The following PHF24 variants were observed in gnomAD, a reference collection of about 807,000 sequenced individuals.
The protein encoded by PHF24 is Galpha inhibitory interacting protein.
In PHF24, 25 loss-of-function variants were observed where a neutral mutation model predicts 42.6. The observed-to-expected ratio is 0.59, with a 90% CI of 0.43 to 0.82. PHF24 has a LOEUF of 0.82. Ranked by LOEUF, PHF24 falls within the 40% of genes least tolerant of loss-of-function variation. The probability of loss-of-function intolerance (pLI) is 0.00; values close to 1 mark genes in which losing one functional copy is unlikely to be tolerated. For synonymous variants in PHF24, 185 were observed against 204.8 expected, an observed-to-expected ratio of 0.90 and a Z score of 0.83; for missense variants, 470 against 538.1, an observed-to-expected ratio of 0.87 and a Z score of 1.25.
the PHF24 span, among the ~76,000 whole-genome samples, chr9:34,715,493 G>A: frequency 6.6e-6 from 1 of 152,156 alleles, no homozygotes; most frequent in Non-Finnish European, 1.5e-5. Context: ...TGGATGCAGA[G>A]CTTGGGGAAG....
At chr9:34,728,593 G>A in the PHF24 span, 8 of 1,549,672 alleles carry the variant, frequency 5.2e-6, no homozygotes, top group Middle Eastern at 2.1e-4. Context: ...AGTCAGAGGA[G>A]AGATTGGGAC....
chr9:34,793,199 G>A, the PHF24 span, among the ~76,000 whole-genome samples: 1 of 152,002 alleles, frequency 6.6e-6, no homozygotes, highest in Non-Finnish European at 1.5e-5. Context: ...AACTCTGGAA[G>A]AAGACTTTCC....
At chr9:34,979,723 G>C (rs1827326975) in exon 8 of PHF24, 2 of 152,212 alleles carry the variant, frequency 1.3e-5, no homozygotes, top group Admixed American at 1.3e-4. Flanking sequence ...GGGGCTTCTT[G>C]AGAGCCCTGT....
intron 3 of PHF24, among the ~76,000 whole-genome samples, chr9:34,974,374 C>T (rs1284300437): frequency 6.6e-6 from 1 of 152,202 alleles, no homozygotes; most frequent in Non-Finnish European, 1.5e-5. Context: ...CTTTATTCCT[C>T]TCTCTTTTCT....
At chr9:34,978,443 G>T in exon 8 of PHF24, 1 of 273,270 alleles carries the variant, frequency 3.7e-6, no homozygotes, top group South Asian at 6.9e-5. Context: ...GGTTCTTTTT[G>T]GTTGAGAAAG....
the PHF24 span, among the ~76,000 whole-genome samples, chr9:34,789,956 C>T: frequency 6.6e-6 from 1 of 152,194 alleles, no homozygotes; most frequent in Non-Finnish European, 1.5e-5. Context: ...AAGTGATCCT[C>T]CAATCTCAGC....
chr9:34,840,357 A>G, the PHF24 span, among the ~76,000 whole-genome samples: 1 of 137,238 alleles, frequency 7.3e-6, no homozygotes, highest in Non-Finnish European at 1.6e-5. Flanking sequence ...TCAATGTTTT[A>G]TTCACAAAGG....
At chr9:34,704,111 G>A in the PHF24 span, among the ~76,000 whole-genome samples, 3 of 151,778 alleles carry the variant, frequency 2.0e-5, no homozygotes, top group Admixed American at 6.6e-5. Context: ...CTGCAGCCTC[G>A]AACTCCTAGG....
At chr9:34,691,260 G>A in the PHF24 span, 1 of 744,068 alleles carries the variant, frequency 1.3e-6, no homozygotes, top group Non-Finnish European at 2.2e-6. Flanking sequence ...AGGTGTGAGT[G>A]ATGTGAGGCT....
At chr9:34,953,983 C>T (rs956439773), upstream of PHF24, among the ~76,000 whole-genome samples, 1 of 151,996 alleles carries the variant, frequency 6.6e-6, no homozygotes, top group Non-Finnish European at 1.5e-5. The surrounding 1 kb of genome is among the most constrained non-coding windows in gnomAD (Gnocchi z 4.1). Flanking sequence ...TGGTTGTAAG[C>T]AATGGAAACC....
chr9:34,846,315 A>T, the PHF24 span, among the ~76,000 whole-genome samples: 8 of 151,874 alleles, frequency 5.3e-5, no homozygotes, highest in South Asian at 1.7e-3. Flanking sequence ...ATGGTATCTC[A>T]TTGTGGTTTT....
the PHF24 span, among the ~76,000 whole-genome samples, chr9:34,822,889 G>A: frequency 5.9e-5 from 9 of 152,140 alleles, no homozygotes; most frequent in Non-Finnish European, 8.8e-5. Flanking sequence ...CACAGACGCA[G>A]TAGGAAGCAA....
the PHF24 span, among the ~76,000 whole-genome samples, chr9:34,854,196 A>AGTTT: frequency 2.8e-5 from 3 of 106,666 alleles, no homozygotes; most frequent in Admixed American, 3.1e-4. Flanking sequence ...CAGTCTATCT[A>AGTTT]TTTTTTTTTT....
chr9:34,730,562 G>A, the PHF24 span, among the ~76,000 whole-genome samples: 15 of 152,176 alleles, frequency 9.9e-5, no homozygotes, highest in African/African-American at 2.4e-4. Context: ...CATTTGAGCC[G>A]CATTGGCTTT....
the PHF24 span, among the ~76,000 whole-genome samples, chr9:34,820,933 G>C: frequency 6.6e-6 from 1 of 152,222 alleles, no homozygotes; most frequent in Middle Eastern, 3.4e-3. Flanking sequence ...ATTCTGACTG[G>C]TGTGAAAGGG....
the PHF24 span, among the ~76,000 whole-genome samples, chr9:34,788,726 G>GC: frequency 2.0e-5 from 3 of 152,150 alleles, no homozygotes; most frequent in Non-Finnish European, 4.4e-5. Context: ...GCAGGAGGGT[G>GC]AGCCCCTGAG....
At chr9:34,847,695 G>C in the PHF24 span, among the ~76,000 whole-genome samples, 1 of 151,900 alleles carries the variant, frequency 6.6e-6, no homozygotes, top group South Asian at 2.1e-4. Context: ...CAAAGGGAAT[G>C]CTTCCAGTTT....
the PHF24 span, among the ~76,000 whole-genome samples, chr9:34,683,046 A>G: frequency 7.0e-6 from 1 of 142,290 alleles, no homozygotes; most frequent in East Asian, 2.1e-4. Flanking sequence ...CTTGAAAAAT[A>G]TACTTTCTTT....
At chr9:34,809,281 TCAG>T in the PHF24 span, among the ~76,000 whole-genome samples, 1 of 152,188 alleles carries the variant, frequency 6.6e-6, no homozygotes, top group Non-Finnish European at 1.5e-5. This position sits in a 1 kb window ranked among gnomAD's most constrained non-coding sequence, Gnocchi z 4.1. Flanking sequence ...AATAAGGTCT[TCAG>T]CATTTCATTT....
Sources: gnomAD v4.1 joint callset for allele counts (sites outside exome capture counted in the v4.1 genomes callset) on GRCh38, gnomAD v4.1.1 for gene constraint, Gnocchi (gnomAD v3.1) non-coding constraint, MANE v1.5 for transcripts, NCBI Gene and HGNC (gene_info 2026-07-23, HGNC 2026-07-21) for gene names.